The following CDC73 variants were observed in gnomAD, a reference collection of about 807,000 sequenced individuals.
CDC73 encodes the protein parafibromin.
A neutral mutation model predicts 83.7 loss-of-function variants in CDC73; 21 were observed. That is an observed-to-expected ratio of 0.25 (90% CI 0.18 to 0.36). The LOEUF (loss-of-function observed/expected upper bound fraction) is 0.36. Ranked by LOEUF, CDC73 falls within the 10% of genes least tolerant of loss-of-function variation. The pLI, the probability that CDC73 is intolerant of heterozygous loss-of-function variation, is 1.00. For missense variants in CDC73, 342 were observed against 653.3 expected (o/e 0.52, Z 5.19); for synonymous variants, 224 against 212.9 (o/e 1.05, Z -0.45).
chr1:193,156,688 T>TC (rs1676212860), intron 10 of CDC73, among the ~76,000 whole-genome samples: 1 of 152,128 alleles, frequency 6.6e-6, no homozygotes, highest in African/African-American at 2.4e-5. Flanking sequence ...AATTTGTTGT[T>TC]CATCTCTGCT....
chr1:193,203,407 T>C (rs1052936220), intron 10 of CDC73, among the ~76,000 whole-genome samples: 5 of 152,166 alleles, frequency 3.3e-5, no homozygotes, highest in Non-Finnish European at 5.9e-5. Context: ...TATATATCAT[T>C]TATTTATTTT....
chr1:193,249,303 CAT>C (rs1293131900), intron 15 of CDC73, among the ~76,000 whole-genome samples: 1 of 152,010 alleles, frequency 6.6e-6, no homozygotes, highest in African/African-American at 2.4e-5. Context: ...GTTTTTTAGA[CAT>C]AATGCTATTG....
At chr1:193,140,254 T>G (rs920430276) in intron 6 of CDC73, among the ~76,000 whole-genome samples, 32 of 152,304 alleles carry the variant, frequency 2.1e-4, no homozygotes, top group African/African-American at 7.2e-4. Flanking sequence ...TAAACCATTG[T>G]TTTATGTATT....
chr1:193,202,404 CT>C (rs888499095), intron 10 of CDC73, among the ~76,000 whole-genome samples: 250 of 148,474 alleles, frequency 1.7e-3, no homozygotes, highest in Middle Eastern at 3.4e-3. Context: ...TTATGACTCA[CT>C]TTTTTTTTTA....
chr1:193,224,339 GTA>G (rs10541068), intron 13 of CDC73, among the ~76,000 whole-genome samples: 108,199 of 149,784 alleles, frequency 0.72, 39,143 homozygotes, highest in South Asian at 0.82. Context: ...ATTGTTCCAT[GTA>G]TATATATATA....
intron 14 of CDC73, among the ~76,000 whole-genome samples, chr1:193,234,185 A>T (rs1415945142): frequency 0.049 from 1,465 of 29,710 alleles, 19 homozygotes; most frequent in African/African-American, 0.087. Flanking sequence ...TCACACACAC[A>T]CACACACACA....
chr1:193,139,694 T>A (rs1675869354), intron 6 of CDC73, among the ~76,000 whole-genome samples: 1 of 152,216 alleles, frequency 6.6e-6, no homozygotes, highest in African/African-American at 2.4e-5. Flanking sequence ...CCACATCATC[T>A]TTAGCTTTTT....
At chr1:193,124,685 T>A (rs747875886) in intron 1 of CDC73, among the ~76,000 whole-genome samples, 17 of 152,228 alleles carry the variant, frequency 1.1e-4, no homozygotes, top group Admixed American at 3.9e-4. Flanking sequence ...ATGTGAAGGA[T>A]GTTGTTCAGC....
chr1:193,198,488 G>A (rs1463851600), intron 10 of CDC73, among the ~76,000 whole-genome samples: 1 of 152,194 alleles, frequency 6.6e-6, no homozygotes, highest in Admixed American at 6.5e-5. Flanking sequence ...ACATCATTTT[G>A]GAAGCAGAGA....
intron 8 of CDC73, among the ~76,000 whole-genome samples, chr1:193,148,973 G>A (rs916485250): frequency 6.6e-6 from 1 of 152,034 alleles, no homozygotes; most frequent in Non-Finnish European, 1.5e-5. Context: ...ATGTATTAGA[G>A]TACTAATACA....
chr1:193,238,775 G>T (rs113177006), intron 15 of CDC73, among the ~76,000 whole-genome samples: 1 of 152,108 alleles, frequency 6.6e-6, no homozygotes, highest in Non-Finnish European at 1.5e-5. Context: ...TAAGAAAATC[G>T]TAAGAAAGAG....
intron 15 of CDC73, among the ~76,000 whole-genome samples, chr1:193,243,074 T>TGTAATCCCTCCTG (rs1465918908): frequency 2.0e-4 from 30 of 151,972 alleles, no homozygotes; most frequent in Admixed American, 1.8e-3. Context: ...GCCTCCTGAG[T>TGTAATCCCTCCTG]AGCTGGGATT....
chr1:193,131,622 A>T (rs967503804), intron 3 of CDC73, among the ~76,000 whole-genome samples: 1 of 152,222 alleles, frequency 6.6e-6, no homozygotes, highest in Non-Finnish European at 1.5e-5. Flanking sequence ...CTGTGACTCC[A>T]TCTTCTACCA....
intron 9 of CDC73, 119 bp downstream of exon 9, chr1:193,150,501 C>T: frequency 2.8e-6 from 2 of 713,662 alleles, no homozygotes; most frequent in East Asian, 5.3e-5. Context: ...AGATCTTACC[C>T]ACTGCAATTT....
chr1:193,222,018 T>G (rs1677478608), intron 13 of CDC73, among the ~76,000 whole-genome samples: 1 of 152,066 alleles, frequency 6.6e-6, no homozygotes, highest in Non-Finnish European at 1.5e-5. Flanking sequence ...GTTTTGTATA[T>G]CCCTTCAATA....
chr1:193,122,839 C>T (rs1174457616), intron 1 of CDC73, among the ~76,000 whole-genome samples: 1 of 152,018 alleles, frequency 6.6e-6, no homozygotes, highest in Non-Finnish European at 1.5e-5. Flanking sequence ...AGGGAATCAA[C>T]CCTGAAGTTA....
chr1:193,179,977 TG>T (rs1399489091), intron 10 of CDC73: 1 of 179,770 alleles, frequency 5.6e-6, no homozygotes, highest in Non-Finnish European at 1.2e-5. Context: ...AAAATTTATG[TG>T]GAAAACATAT....
At chr1:193,207,693 C>A (rs114814863) in intron 11 of CDC73, among the ~76,000 whole-genome samples, 11 of 152,220 alleles carry the variant, frequency 7.2e-5, no homozygotes, top group Admixed American at 2.6e-4. Flanking sequence ...TTCCCTTGTT[C>A]CCTGAAAATC....
intron 2 of CDC73, among the ~76,000 whole-genome samples, chr1:193,127,464 A>G (rs1488414520): frequency 6.6e-6 from 1 of 151,978 alleles, no homozygotes; most frequent in African/African-American, 2.4e-5. Context: ...AAATAAGGGG[A>G]AAAAAATAGC....
Sources: gnomAD v4.1 joint callset for allele counts (sites outside exome capture counted in the v4.1 genomes callset) on GRCh38, gnomAD v4.1.1 for gene constraint, MANE v1.5 for transcripts, NCBI Gene and HGNC (gene_info 2026-07-23, HGNC 2026-07-21) for gene names.